Variants in CCDC6 observed in about 807,000 individuals in gnomAD.
CCDC6 encodes the protein coiled-coil domain containing 6.
CCDC6 carries 20 observed loss-of-function variants against 56.6 expected under a neutral mutation model. The ratio of observed to expected loss-of-function variants is 0.35; its 90% CI spans 0.25 to 0.51. CCDC6 has a LOEUF of 0.51. Among genes scored for constraint, CCDC6 ranks in the 20% least tolerant of loss-of-function variants. The pLI is 0.95. For missense variants in CCDC6, 367 were observed against 601.1 expected (o/e 0.61, Z 4.07); for synonymous variants, 241 against 234.4 (o/e 1.03, Z -0.26).
intron 2 of CCDC6, among the ~76,000 whole-genome samples, chr10:59,849,294 C>T (rs1345629905): frequency 6.6e-6 from 1 of 152,084 alleles, no homozygotes; most frequent in Non-Finnish European, 1.5e-5. Context: ...ACTGGATAGA[C>T]ACAAAAGCAA....
intron 2 of CCDC6, among the ~76,000 whole-genome samples, chr10:59,833,430 C>G (rs142507519): frequency 6.6e-6 from 1 of 151,926 alleles, no homozygotes; most frequent in East Asian, 1.9e-4. Flanking sequence ...GCTTGGACAA[C>G]GAGAGCAAAA....
intron 2 of CCDC6, among the ~76,000 whole-genome samples, chr10:59,844,087 A>T (rs1458135089): frequency 6.6e-6 from 1 of 152,178 alleles, no homozygotes; most frequent in Non-Finnish European, 1.5e-5. Flanking sequence ...TTTAACAAAG[A>T]AGGATTTTGT....
In CCDC6 at chr10:59,903,833, T is replaced by C. The variant is rs544114405; in HGVS notation, c.303+2289A>G. Among the ~76,000 whole-genome samples, 7 of 152,326 alleles carry C rather than the reference T, an allele frequency of 4.6e-5. No homozygotes were observed. The East Asian group carries it at 1.2e-3, about 25-fold the overall frequency. On this transcript the variant is annotated intron_variant, in intron 1 of 8. Coordinates refer to ENST00000263102, the MANE Select transcript of CCDC6 (RefSeq NM_005436.5). ...TACTTAAGTGTTGTTCAATGGACTC[T>C]ACATTCACAGGCCCATTTCATGGAG... is the stretch of plus-strand genomic sequence containing the variant.
chr10:59,886,766 T>C (rs112686360), intron 1 of CCDC6, among the ~76,000 whole-genome samples: 3,347 of 152,216 alleles, frequency 0.022, 56 homozygotes, highest in South Asian at 0.044. Context: ...TTGTAACATA[T>C]AGAGTTCTAA....
intron 7 of CCDC6, among the ~76,000 whole-genome samples, chr10:59,802,327 C>T (rs1416359504): frequency 6.6e-6 from 1 of 152,056 alleles, no homozygotes; most frequent in Non-Finnish European, 1.5e-5. Context: ...GAGGAAAATT[C>T]AGAGCCAATA....
chr10:59,815,461 G>C (rs187347170), intron 3 of CCDC6, among the ~76,000 whole-genome samples: 1 of 152,120 alleles, frequency 6.6e-6, no homozygotes, highest in Non-Finnish European at 1.5e-5. Context: ...TGGATAATGG[G>C]GGCATAGCAG....
At chr10:59,805,122 C>T (rs1370813622) in intron 6 of CCDC6, 1 of 152,938 alleles carries the variant, frequency 6.5e-6, no homozygotes, top group Non-Finnish European at 1.5e-5. Flanking sequence ...TCAGAAGTCA[C>T]ATCAGACCTG....
chr10:59,890,565 C>G, intron 1 of CCDC6, among the ~76,000 whole-genome samples: 1 of 152,104 alleles, frequency 6.6e-6, no homozygotes, highest in East Asian at 1.9e-4. Flanking sequence ...GAGAGCTTTC[C>G]TAAGTCACAT....
intron 3 of CCDC6, among the ~76,000 whole-genome samples, chr10:59,824,737 C>T (rs768716731): frequency 2.6e-5 from 4 of 152,058 alleles, no homozygotes; most frequent in African/African-American, 4.8e-5. Context: ...TCTAGGGGAA[C>T]GGCAATCTAG....
intron 1 of CCDC6, among the ~76,000 whole-genome samples, chr10:59,900,063 T>C (rs17793021): frequency 0.18 from 26,799 of 152,232 alleles, 3,048 homozygotes; most frequent in Middle Eastern, 0.27. Context: ...CCCGTGCCTC[T>C]GGAGCCAGCT....
chr10:59,841,736 C>T (rs1354237613), intron 2 of CCDC6, among the ~76,000 whole-genome samples: 4 of 150,746 alleles, frequency 2.7e-5, no homozygotes, highest in South Asian at 2.1e-4. Flanking sequence ...GGCGTGATCT[C>T]GGCTCACTGC....
At chr10:59,817,638 C>T (rs10994026) in intron 3 of CCDC6, among the ~76,000 whole-genome samples, 18,842 of 152,180 alleles carry the variant, frequency 0.12, 1,283 homozygotes, top group East Asian at 0.22. Context: ...TGGAGAAATG[C>T]ATACTCAATT....
chr10:59,883,893 T>A (rs189538836), intron 1 of CCDC6, among the ~76,000 whole-genome samples: 2 of 152,194 alleles, frequency 1.3e-5, no homozygotes, highest in Non-Finnish European at 2.9e-5. Context: ...ACCCTCAAGT[T>A]TGACAGAAAG....
intron 3 of CCDC6, among the ~76,000 whole-genome samples, chr10:59,827,231 C>A (rs2070795448): frequency 6.6e-6 from 1 of 152,156 alleles, no homozygotes; most frequent in East Asian, 1.9e-4. Context: ...AGACCCATTA[C>A]TGGATTTTGA....
chr10:59,906,474 G>C lies in CCDC6; in HGVS notation c.-50C>G. The C allele has an allele frequency of 7.1e-7, 1 of 1,418,220 alleles. No homozygotes were observed. The highest frequency in any genetic ancestry group is 1.5e-5 in the South Asian group (1 of 66,106). The allele number at this position is 1,418,220 out of a possible 1,614,324, so 87.9% of individuals were successfully genotyped here. ...GGAGGAGCAGCAGGGAGGCGGCGGC[G>C]ACGAAGGCCGGGCTGCGAATGAGTG... is the stretch of plus-strand genomic sequence containing the variant. On this transcript the variant is annotated 5_prime_UTR_variant, in exon 1 of 9. Coordinates refer to ENST00000263102, the MANE Select transcript of CCDC6 (RefSeq NM_005436.5).
chr10:59,878,285 A>G (rs1196447981), intron 1 of CCDC6, among the ~76,000 whole-genome samples: 1 of 152,126 alleles, frequency 6.6e-6, no homozygotes, highest in East Asian at 1.9e-4. Context: ...TATGCACAAG[A>G]AGCCCTACAC....
chr10:59,850,698 A>G (rs1378265403), intron 2 of CCDC6, among the ~76,000 whole-genome samples: 1 of 151,536 alleles, frequency 6.6e-6, no homozygotes, highest in East Asian at 1.9e-4. Flanking sequence ...TTAGTCTATG[A>G]TTTTTTTTTC....
Position 59,882,542 on chromosome 10 carries a change from CGCGGGG to C in CCDC6, c.303+23574_303+23579del, listed in dbSNP as rs1337528473. ...GCCAGGGGGAGAAGGAAAGGAAAGC[CGCGGGG>C]AGAAGGAAAGGAAAGCCGCGGGGAG... On this transcript the variant is annotated intron_variant, in intron 1 of 8. Coordinates refer to ENST00000263102, the MANE Select transcript of CCDC6 (RefSeq NM_005436.5). 5.4e-4 allele frequency among the ~76,000 whole-genome samples: 20 copies of C among 36,724 alleles called. 7 individuals carry two copies. The highest frequency in any genetic ancestry group is 6.2e-4 in the African/African-American group (6 of 9,706). The allele number at this position is 36,724 out of a possible 152,430, so 24.1% of individuals were successfully genotyped here.
intron 6 of CCDC6, 53 bp downstream of exon 6, chr10:59,806,869 A>C: frequency 1.3e-6 from 2 of 1,566,398 alleles, no homozygotes; most frequent in African/African-American, 2.7e-5. Flanking sequence ...ACCTCTGTAG[A>C]ACCTGGGTTT....
Sources: gnomAD v4.1 joint callset for allele counts (sites outside exome capture counted in the v4.1 genomes callset) on GRCh38, gnomAD v4.1.1 for gene constraint, MANE v1.5 for transcripts, NCBI Gene and HGNC (gene_info 2026-07-23, HGNC 2026-07-21) for gene names.